The following RAD51B variants were observed in gnomAD, a reference collection of about 807,000 sequenced individuals.
RAD51B encodes RAD51 paralog B.
Under a neutral mutation model 42.2 loss-of-function variants are expected in RAD51B, and 38 were observed. The observed-to-expected ratio is 0.90, with a 90% CI of 0.70 to 1.18. The LOEUF (loss-of-function observed/expected upper bound fraction) is 1.18, where lower values mean the gene tolerates loss of function less well. Among genes scored for constraint, RAD51B ranks in the 50% most tolerant of loss-of-function variants. RAD51B has a pLI of 0.00. For missense variants in RAD51B, 373 were observed against 400.7 expected, an observed-to-expected ratio of 0.93 and a Z score of 0.59; for synonymous variants, 154 against 145.2, an observed-to-expected ratio of 1.06 and a Z score of -0.43.
At chr14:67,946,742 A>AAAAC (rs10684020) in intron 7 of RAD51B, among the ~76,000 whole-genome samples, 10,723 of 152,236 alleles carry the variant, frequency 0.07, 937 homozygotes, top group African/African-American at 0.21. Flanking sequence ...GTGCTTTTTT[A>AAAAC]AAACAAACAA....
intron 10 of RAD51B, chr14:68,561,936 G>A (rs2140020354): frequency 2.0e-6 from 2 of 984,480 alleles, no homozygotes; most frequent in East Asian, 1.1e-4. Context: ...GGTCATGTGT[G>A]CAAAGTTCTC....
intron 7 of RAD51B, among the ~76,000 whole-genome samples, chr14:68,156,474 T>TCTCTCTCG (rs2078512279): frequency 6.6e-6 from 1 of 150,786 alleles, no homozygotes; most frequent in Admixed American, 6.6e-5. Flanking sequence ...TCTCTCTCTC[T>TCTCTCTCG]CTCTCTCTCT....
At chr14:68,562,732 C>T (rs1456204071) in intron 10 of RAD51B, 2 of 985,284 alleles carry the variant, frequency 2.0e-6, no homozygotes, top group South Asian at 4.7e-5. Context: ...GCTATTCATC[C>T]CCCTGGTGCC....
At chr14:68,601,699 C>T (rs1482669479) in intron 10 of RAD51B, among the ~76,000 whole-genome samples, 5 of 152,148 alleles carry the variant, frequency 3.3e-5, no homozygotes, top group African/African-American at 1.2e-4. Context: ...TCTATATACT[C>T]ATAGTAGGGG....
At chr14:68,372,683 C>T (rs1407901862) in intron 8 of RAD51B, among the ~76,000 whole-genome samples, 3 of 152,180 alleles carry the variant, frequency 2.0e-5, no homozygotes, top group African/African-American at 4.8e-5. Flanking sequence ...CTGTTTGGCT[C>T]TTTTGGGGAC....
At chr14:67,949,221 A>G (rs1193732759) in intron 7 of RAD51B, among the ~76,000 whole-genome samples, 2 of 152,186 alleles carry the variant, frequency 1.3e-5, no homozygotes, top group African/African-American at 2.4e-5. Context: ...ATATCATGCT[A>G]CTTGATAGCA....
At chr14:68,142,853 G>A (rs906747046) in intron 7 of RAD51B, among the ~76,000 whole-genome samples, 5 of 151,984 alleles carry the variant, frequency 3.3e-5, no homozygotes, top group African/African-American at 1.2e-4. Context: ...AAACTTATAT[G>A]CAAATTATTG....
chr14:68,193,031 T>G (rs1048432848), intron 7 of RAD51B, among the ~76,000 whole-genome samples: 1 of 152,214 alleles, frequency 6.6e-6, no homozygotes, highest in Non-Finnish European at 1.5e-5. Context: ...ATTCATACTT[T>G]TTACTGATAA....
chr14:67,969,012 G>C (rs1427496220), intron 7 of RAD51B, among the ~76,000 whole-genome samples: 1 of 152,102 alleles, frequency 6.6e-6, no homozygotes, highest in Non-Finnish European at 1.5e-5. Context: ...ACAAGGTGGT[G>C]GCAAGAGAAA....
chr14:68,388,194 A>AGG, intron 8 of RAD51B, among the ~76,000 whole-genome samples: 1 of 151,564 alleles, frequency 6.6e-6, no homozygotes, highest in East Asian at 1.9e-4. Context: ...CCCTGGTTCA[A>AGG]GCGATTCTCC....
intron 7 of RAD51B, among the ~76,000 whole-genome samples, chr14:68,175,068 A>G (rs996484255): frequency 1.2e-4 from 18 of 152,180 alleles, no homozygotes; most frequent in African/African-American, 4.3e-4. Flanking sequence ...AGATCAAACT[A>G]TCAATGACAT....
rs1473692059 is a variant in RAD51B at position 67,916,416 on chromosome 14, AT to A, written c.756+29218del. On this transcript the variant is annotated intron_variant, in intron 7 of 10. Coordinates refer to ENST00000471583, the MANE Select transcript of RAD51B (RefSeq NM_133510.4). ...GCCACCACACCTGGCTAATTTTTGT[AT>A]TTTTTGTAGAGACGGGGTTTCGCCA... is the stretch of plus-strand genomic sequence containing the variant. Among the ~76,000 whole-genome samples the A allele has an allele frequency of 4.0e-5, 6 of 151,740 alleles. No homozygotes were observed. The South Asian group carries it at 1.0e-3, about 26-fold the overall frequency.
At chr14:68,315,688 A>AT (rs1388569386) in intron 8 of RAD51B, among the ~76,000 whole-genome samples, 2 of 151,680 alleles carry the variant, frequency 1.3e-5, no homozygotes, top group Non-Finnish European at 2.9e-5. Flanking sequence ...CGCCCGGCTA[A>AT]TTTTTTTGTA....
At chr14:67,837,315 C>T (rs530575643) in intron 4 of RAD51B, among the ~76,000 whole-genome samples, 1 of 150,734 alleles carries the variant, frequency 6.6e-6, no homozygotes, top group South Asian at 2.1e-4. Context: ...CATAAACTTA[C>T]TTATTTAAAT....
At chr14:68,298,103 T>C (rs1055862803) in intron 8 of RAD51B, among the ~76,000 whole-genome samples, 2 of 152,198 alleles carry the variant, frequency 1.3e-5, no homozygotes, top group Non-Finnish European at 2.9e-5. Context: ...GCTGTTCAGA[T>C]GCCATGAAAG....
intron 9 of RAD51B, among the ~76,000 whole-genome samples, chr14:68,418,256 T>C (rs970408541): frequency 3.3e-5 from 5 of 152,232 alleles, no homozygotes; most frequent in African/African-American, 7.2e-5. Flanking sequence ...CATGTATTGA[T>C]ATATTTAAAC....
At chr14:68,176,300 A>G (rs2078961681) in intron 7 of RAD51B, among the ~76,000 whole-genome samples, 1 of 152,208 alleles carries the variant, frequency 6.6e-6, no homozygotes, top group Non-Finnish European at 1.5e-5. Context: ...AACTTATCCA[A>G]GATTCACAAT....
At chr14:68,056,452 A>C (rs540913684) in intron 7 of RAD51B, among the ~76,000 whole-genome samples, 66 of 152,002 alleles carry the variant, frequency 4.3e-4, no homozygotes, top group African/African-American at 1.5e-3. Flanking sequence ...CCAGGACTTA[A>C]AGAAATATTT....
intron 7 of RAD51B, among the ~76,000 whole-genome samples, chr14:67,995,611 C>CTTT (rs759241351): frequency 0.024 from 3,371 of 141,976 alleles, 139 homozygotes; most frequent in African/African-American, 0.082. Context: ...ATTTTATATT[C>CTTT]TTTTTTTTTT....
Sources: gnomAD v4.1 joint callset for allele counts (sites outside exome capture counted in the v4.1 genomes callset) on GRCh38, gnomAD v4.1.1 for gene constraint, MANE v1.5 for transcripts, NCBI Gene and HGNC (gene_info 2026-07-23, HGNC 2026-07-21) for gene names.